NTN1: variants seen among roughly 807,000 people sequenced by gnomAD.
The protein encoded by NTN1 is netrin-1.
A neutral mutation model predicts 54.2 loss-of-function variants in NTN1; 11 were observed. The observed-to-expected ratio is 0.20, with a 90% CI of 0.13 to 0.34. The LOEUF is 0.34. NTN1 is among the 10% of genes least tolerant of loss of function. The probability of loss-of-function intolerance (pLI) is 1.00; values close to 1 mark genes in which losing one functional copy is unlikely to be tolerated. For synonymous variants in NTN1, 371 were observed against 382.0 expected (o/e 0.97, Z 0.33); for missense variants, 740 against 893.1 (o/e 0.83, Z 2.18).
intron 2 of NTN1, among the ~76,000 whole-genome samples, chr17:9,159,928 C>T (rs1597510512): frequency 6.6e-6 from 1 of 152,094 alleles, no homozygotes; most frequent in Admixed American, 6.6e-5. Flanking sequence ...TATATATGTT[C>T]AAAGGTGGTT....
intron 5 of NTN1, among the ~76,000 whole-genome samples, chr17:9,190,546 T>C (rs1047552962): frequency 6.6e-6 from 1 of 152,172 alleles, no homozygotes; most frequent in East Asian, 1.9e-4. Flanking sequence ...AGATCACTAA[T>C]GCTGAGTAGA....
the NTN1 span, among the ~76,000 whole-genome samples, chr17:9,012,538 A>AC: frequency 3.0e-5 from 4 of 133,110 alleles, no homozygotes; most frequent in African/African-American, 1.1e-4. Context: ...AAACAAAACA[A>AC]AAAAAAAAAA....
intron 5 of NTN1, among the ~76,000 whole-genome samples, chr17:9,205,781 C>T (rs936370619): frequency 2.0e-5 from 3 of 152,234 alleles, no homozygotes; most frequent in Non-Finnish European, 4.4e-5. Context: ...TGGGCCCCCA[C>T]CGGCCAGTGA....
chr17:9,173,518 C>G (rs1304842899), intron 3 of NTN1: 1 of 152,412 alleles, frequency 6.6e-6, no homozygotes, highest in Non-Finnish European at 1.5e-5. Flanking sequence ...CAGTCGACCT[C>G]CCTGACCTCC....
Position 9,179,957 on chromosome 17 carries a change from G to A in NTN1, c.1357+1G>A, listed in dbSNP as rs2092413710. The A allele has an allele frequency of 6.2e-7, 1 of 1,611,930 alleles. No individual in the cohort carries two copies. Among genetic ancestry groups the A allele is most frequent in the Admixed American group, 1.7e-5 (1 of 59,800 alleles). ...CGCTCTCCCATCGCCCCCTGCATAA[G>A]TATGTGTGGGGCACCCTGCTTTTCA... On this transcript the variant is annotated splice_donor_variant, in intron 4 of 6. Transcript: ENST00000173229. LOFTEE classifies it high-confidence loss of function.
At chr17:9,039,253 C>T (rs1273143096) in intron 2 of NTN1, among the ~76,000 whole-genome samples, 2 of 152,052 alleles carry the variant, frequency 1.3e-5, no homozygotes, top group African/African-American at 4.8e-5. Flanking sequence ...TATTTATTGG[C>T]TTTAGATGAG....
chr17:9,012,924 T>C, the NTN1 span, among the ~76,000 whole-genome samples: 2 of 152,218 alleles, frequency 1.3e-5, no homozygotes, highest in East Asian at 1.9e-4. Context: ...TTACTTTTCT[T>C]AGTAGCACAT....
At chr17:9,168,613 T>C (rs186713954) in intron 3 of NTN1, among the ~76,000 whole-genome samples, 1 of 152,296 alleles carries the variant, frequency 6.6e-6, no homozygotes, top group Non-Finnish European at 1.5e-5. Flanking sequence ...CAGACAGTCA[T>C]CAGTGCCAGA....
In NTN1 at chr17:9,163,005, G is replaced by A; in HGVS notation, c.1207+4G>A. 1.3e-6 allele frequency: 2 copies of A among 1,597,642 alleles called. No individual in the cohort carries two copies. The highest frequency in any genetic ancestry group is 1.7e-6 in the Non-Finnish European group (2 of 1,170,490). ...ACCCACCGGAAGGCCTGCAAAGGTG[G>A]GCTACACGTGGCGGGGCGGGGGGCT... On this transcript the variant is annotated splice_donor_region_variant and intron_variant, in intron 3 of 6. Transcript: ENST00000173229.
chr17:9,047,232 G>C (rs2091944048), intron 2 of NTN1, among the ~76,000 whole-genome samples: 1 of 152,200 alleles, frequency 6.6e-6, no homozygotes, highest in South Asian at 2.1e-4. Context: ...CAGCAGTGCA[G>C]TTTGCCACAT....
chr17:9,201,228 C>T (rs1253866392), intron 5 of NTN1, among the ~76,000 whole-genome samples: 2 of 152,136 alleles, frequency 1.3e-5, no homozygotes, highest in East Asian at 1.9e-4. Flanking sequence ...GATGGGAACT[C>T]CCTGGGTCAG....
intron 3 of NTN1, among the ~76,000 whole-genome samples, chr17:9,170,367 A>G (rs1030857713): frequency 6.6e-5 from 10 of 152,232 alleles, no homozygotes; most frequent in South Asian, 2.1e-4. Context: ...TGCCATTGTC[A>G]GCACACACAC....
chr17:9,076,315 G>A (rs1391625219), intron 2 of NTN1, among the ~76,000 whole-genome samples: 1 of 152,166 alleles, frequency 6.6e-6, no homozygotes, highest in African/African-American at 2.4e-5. Flanking sequence ...AAAGGCAGAG[G>A]GATGGGAATG....
intron 2 of NTN1, among the ~76,000 whole-genome samples, chr17:9,087,157 G>T (rs2092092396): frequency 6.6e-6 from 1 of 152,196 alleles, no homozygotes; most frequent in African/African-American, 2.4e-5. Flanking sequence ...CAGGATTCAA[G>T]TTCAGGCTAC....
chr17:9,197,986 C>A lies in NTN1; in HGVS notation c.1411+15017C>A, dbSNP rs112374509. On this transcript the variant is annotated intron_variant, in intron 5 of 6. Coordinates refer to ENST00000173229, the MANE Select transcript of NTN1 (RefSeq NM_004822.3). ...GATTGTCCTGGACTTACCCTTCCCTCTTCTTCTTTGAGGCTAGTTGATGGC... is the reference window on the plus strand; with the variant it reads ...GATTGTCCTGGACTTACCCTTCCCTATTCTTCTTTGAGGCTAGTTGATGGC... Among the ~76,000 whole-genome samples the A allele has an allele frequency of 2.0e-5, 3 of 152,338 alleles. 1 individual carries two copies. The highest frequency in any genetic ancestry group is 7.2e-5 in the African/African-American group (3 of 41,574).
intron 6 of NTN1, among the ~76,000 whole-genome samples, chr17:9,224,769 A>T (rs1410213481): frequency 6.6e-6 from 1 of 150,914 alleles, no homozygotes; most frequent in East Asian, 1.9e-4. Flanking sequence ...TTCTGCTGCA[A>T]GACAAGGCTG....
chr17:9,137,119 C>A (rs1018861005), intron 2 of NTN1, among the ~76,000 whole-genome samples: 1 of 152,306 alleles, frequency 6.6e-6, no homozygotes, highest in East Asian at 1.9e-4. Flanking sequence ...GCTCAAATGA[C>A]CCCTCCTCCA....
At chr17:9,197,651 C>T (rs1324570144) in intron 5 of NTN1, among the ~76,000 whole-genome samples, 1 of 140,526 alleles carries the variant, frequency 7.1e-6, no homozygotes, top group African/African-American at 2.8e-5. Flanking sequence ...CAGAGCAAGA[C>T]TCTGTCCAAA....
rs1156236833 is a variant in NTN1 at position 9,219,998 on chromosome 17, C to G, written c.1412-1170C>G. Reference sequence around the variant, plus strand: ...CTCCCTGCAGCTCCCCGCTCCTCCCCGCTGGCCAGCCTGGCTGGTCTTCCC... The same window carrying G: ...CTCCCTGCAGCTCCCCGCTCCTCCCGGCTGGCCAGCCTGGCTGGTCTTCCC... On this transcript the variant is annotated intron_variant, in intron 5 of 6. Transcript: ENST00000173229. The surrounding 1 kb of genome is among the most constrained non-coding windows in gnomAD (Gnocchi z 4.5). 6.6e-6 allele frequency among the ~76,000 whole-genome samples: 1 copy of G among 152,248 alleles called. No individual in the cohort carries two copies. The highest frequency in any genetic ancestry group is 1.5e-5 in the Non-Finnish European group (1 of 68,042).
Sources: allele counts gnomAD v4.1 joint callset (sites outside exome capture counted in the v4.1 genomes callset), GRCh38; gene constraint gnomAD v4.1.1; non-coding constraint Gnocchi (gnomAD v3.1); transcripts MANE v1.5; gene names NCBI Gene and HGNC (gene_info 2026-07-23, HGNC 2026-07-21).